GUCY1A2: variants seen among roughly 807,000 people sequenced by gnomAD.
GUCY1A2 encodes the protein guanylate cyclase 1 soluble subunit alpha 2, also known as guanylate cyclase soluble subunit alpha-2.
GUCY1A2 carries 27 observed loss-of-function variants against 63.5 expected under a neutral mutation model. The observed-to-expected ratio is 0.43, with a 90% CI of 0.31 to 0.59. The LOEUF is 0.59. GUCY1A2 is among the 20% of genes least tolerant of loss of function. The pLI, the probability that GUCY1A2 is intolerant of heterozygous loss-of-function variation, is 0.11. For missense variants in GUCY1A2, 768 were observed against 913.3 expected, an observed-to-expected ratio of 0.84 and a Z score of 2.05; for synonymous variants, 364 against 343.5, an observed-to-expected ratio of 1.06 and a Z score of -0.66.
chr11:106,742,929 A>T (rs1863720256), intron 6 of GUCY1A2, among the ~76,000 whole-genome samples: 1 of 152,102 alleles, frequency 6.6e-6, no homozygotes, highest in Admixed American at 6.6e-5. Flanking sequence ...TATTAATCTG[A>T]GTCTTCTTTA....
intron 4 of GUCY1A2, among the ~76,000 whole-genome samples, chr11:106,812,349 G>T (rs1393630548): frequency 6.6e-6 from 1 of 150,688 alleles, no homozygotes. Context: ...TCTCCATCTT[G>T]ATTTCTTCTT....
At chr11:106,862,913 T>C (rs954687535) in intron 4 of GUCY1A2, among the ~76,000 whole-genome samples, 2 of 152,074 alleles carry the variant, frequency 1.3e-5, no homozygotes, top group Non-Finnish European at 2.9e-5. Flanking sequence ...AGATTTCTTT[T>C]GAAAAATGCT....
chr11:106,923,159 A>G (rs574113077), intron 4 of GUCY1A2, among the ~76,000 whole-genome samples: 1 of 152,300 alleles, frequency 6.6e-6, no homozygotes, highest in South Asian at 2.1e-4. Flanking sequence ...AAGTAATCAG[A>G]TTATTTTATG....
intron 4 of GUCY1A2, among the ~76,000 whole-genome samples, chr11:106,851,946 G>A (rs1343325383): frequency 4.0e-5 from 6 of 151,842 alleles, no homozygotes; most frequent in Non-Finnish European, 7.4e-5. Flanking sequence ...GGGGTAGTAT[G>A]GCCATTTTAA....
At chr11:106,940,268 C>T in intron 3 of GUCY1A2, 90 bp from the exon 4 acceptor site, 1 of 655,004 alleles carries the variant, frequency 1.5e-6, no homozygotes, top group East Asian at 2.6e-5. Context: ...AGAGTAACTA[C>T]TGAATAAAGT....
intron 4 of GUCY1A2, among the ~76,000 whole-genome samples, chr11:106,919,479 A>G (rs538036168): frequency 6.6e-6 from 1 of 152,298 alleles, no homozygotes; most frequent in Admixed American, 6.5e-5. Context: ...AAATCATCAC[A>G]TCATACACCT....
intron 6 of GUCY1A2, among the ~76,000 whole-genome samples, chr11:106,711,290 T>C (rs925463932): frequency 6.6e-6 from 1 of 152,202 alleles, no homozygotes; most frequent in African/African-American, 2.4e-5. Context: ...TAGAATGCTC[T>C]GGATCAACTT....
chr11:106,973,535 T>C (rs985817487), intron 3 of GUCY1A2, among the ~76,000 whole-genome samples: 3 of 152,102 alleles, frequency 2.0e-5, no homozygotes, highest in Non-Finnish European at 4.4e-5. Flanking sequence ...AGCAAAGCAC[T>C]AAGCAAAATG....
chr11:106,781,882 G>A (rs985270578), intron 5 of GUCY1A2, among the ~76,000 whole-genome samples: 27 of 151,960 alleles, frequency 1.8e-4, no homozygotes, highest in African/African-American at 6.5e-4. Flanking sequence ...TACCTTGTTT[G>A]TTTATTTTAG....
chr11:106,998,457 T>C (rs969430354), intron 1 of GUCY1A2, among the ~76,000 whole-genome samples: 3 of 152,236 alleles, frequency 2.0e-5, no homozygotes, highest in African/African-American at 4.8e-5. Flanking sequence ...AACGTTGTCC[T>C]GCACAAGTTA....
chr11:106,858,051 T>C (rs1023793358), intron 4 of GUCY1A2, among the ~76,000 whole-genome samples: 1 of 152,170 alleles, frequency 6.6e-6, no homozygotes, highest in Non-Finnish European at 1.5e-5. Context: ...ACAACCAACC[T>C]GAAAGGCAAT....
chr11:106,857,735 G>A (rs1341302913), intron 4 of GUCY1A2, among the ~76,000 whole-genome samples: 1 of 152,002 alleles, frequency 6.6e-6, no homozygotes, highest in Non-Finnish European at 1.5e-5. Flanking sequence ...CTTTTTTCTT[G>A]TCATTATTTC....
intron 6 of GUCY1A2, among the ~76,000 whole-genome samples, chr11:106,760,827 T>C (rs1864053721): frequency 6.6e-6 from 1 of 152,072 alleles, no homozygotes; most frequent in South Asian, 2.1e-4. Flanking sequence ...CACGTCAACT[T>C]TGGCTAAATT....
intron 4 of GUCY1A2, among the ~76,000 whole-genome samples, chr11:106,828,428 T>C (rs957739369): frequency 1.3e-5 from 2 of 152,194 alleles, no homozygotes; most frequent in Non-Finnish European, 2.9e-5. Context: ...CTAGCCAATT[T>C]TCCCAGTACC....
intron 6 of GUCY1A2, among the ~76,000 whole-genome samples, chr11:106,716,549 C>T (rs1003282847): frequency 2.0e-5 from 3 of 152,006 alleles, no homozygotes; most frequent in East Asian, 1.9e-4. Context: ...GTGGGACTGA[C>T]GCCACCCCCA....
At chr11:106,828,717 C>T (rs1456530249) in intron 4 of GUCY1A2, among the ~76,000 whole-genome samples, 1 of 152,110 alleles carries the variant, frequency 6.6e-6, no homozygotes, top group Non-Finnish European at 1.5e-5. Flanking sequence ...TGAACCCTGA[C>T]CTCTTGACCT....
At chr11:106,768,677 C>T (rs1007165689) in intron 6 of GUCY1A2, among the ~76,000 whole-genome samples, 3 of 152,064 alleles carry the variant, frequency 2.0e-5, no homozygotes, top group African/African-American at 7.2e-5. Flanking sequence ...TTACCCTATG[C>T]TGGTCAGCTA....
At chr11:107,008,542 A>G (rs895759935) in intron 1 of GUCY1A2, among the ~76,000 whole-genome samples, 1 of 152,210 alleles carries the variant, frequency 6.6e-6, no homozygotes, top group African/African-American at 2.4e-5. Context: ...TACATCATAA[A>G]CTACACAAGG....
At chr11:106,737,619 A>T (rs1036461574) in intron 6 of GUCY1A2, among the ~76,000 whole-genome samples, 1 of 151,272 alleles carries the variant, frequency 6.6e-6, no homozygotes, top group Non-Finnish European at 1.5e-5. Flanking sequence ...TCATTGTTCA[A>T]CTCCCACTTA....
Sources: allele counts gnomAD v4.1 joint callset (sites outside exome capture counted in the v4.1 genomes callset), GRCh38; gene constraint gnomAD v4.1.1; transcripts MANE v1.5; gene names NCBI Gene and HGNC (gene_info 2026-07-23, HGNC 2026-07-21).